The following MAP3K13 variants were observed in gnomAD, a reference collection of about 807,000 sequenced individuals.
MAP3K13 encodes mitogen-activated protein kinase kinase kinase 13, also known as leucine zipper-bearing kinase.
In MAP3K13, 52 loss-of-function variants were observed where a neutral mutation model predicts 104.0. That is an observed-to-expected ratio of 0.50 (90% CI 0.40 to 0.63). MAP3K13 has a LOEUF of 0.63. Ranked by LOEUF, MAP3K13 falls within the 20% of genes least tolerant of loss-of-function variation. The pLI, the probability that MAP3K13 is intolerant of heterozygous loss-of-function variation, is 0.00. For synonymous variants in MAP3K13, 394 were observed against 442.2 expected, an observed-to-expected ratio of 0.89 and a Z score of 1.37; for missense variants, 914 against 1,218.5, an observed-to-expected ratio of 0.75 and a Z score of 3.72.
chr3:185,310,645 T>C (rs916097002), intron 2 of MAP3K13, among the ~76,000 whole-genome samples: 12 of 151,608 alleles, frequency 7.9e-5, no homozygotes, highest in Admixed American at 1.3e-4. Flanking sequence ...TGGAAAGAGG[T>C]GAGGAATGAA....
intron 1 of MAP3K13, 106 bp downstream of exon 1, chr3:185,363,474 G>T: frequency 1.9e-6 from 1 of 521,118 alleles, no homozygotes. Flanking sequence ...TATTGAGGGC[G>T]ACACCGTGAG....
chr3:185,457,083 C>T (rs148788331), intron 7 of MAP3K13, among the ~76,000 whole-genome samples: 1 of 152,220 alleles, frequency 6.6e-6, no homozygotes, highest in African/African-American at 2.4e-5. Flanking sequence ...GCCAGTCACA[C>T]ATTTTGAGAA....
chr3:185,432,616 G>A (rs1028124277), intron 2 of MAP3K13, among the ~76,000 whole-genome samples: 2 of 152,008 alleles, frequency 1.3e-5, no homozygotes, highest in Non-Finnish European at 2.9e-5. Flanking sequence ...ACTTACTTTT[G>A]GTGATAATTT....
chr3:185,420,076 C>A (rs886655933), intron 1 of MAP3K13, among the ~76,000 whole-genome samples: 1 of 152,090 alleles, frequency 6.6e-6, no homozygotes, highest in African/African-American at 2.4e-5. Context: ...ATTAAACATT[C>A]ATAATCTTAA....
Position 185,473,677 on chromosome 3 carries a change from C to A in MAP3K13, c.2346C>A (p.Ser782Arg), listed in dbSNP as rs551981440. ...SSEKTEENEF[S>R]GCRSESSLGT... ...AGAAAACGGAAGAAAATGAATTCAG[C>A]GGCTGTAGGTCTGAGTCATCCCTCG... Residue 782 changes from serine to arginine, a missense_variant, in exon 11 of 14, where the codon AGC becomes AGA. Physicochemically the swap from Ser to Arg is moderately radical, Grantham distance 110 (BLOSUM62 -1). Transcript: ENST00000265026. The surrounding 1 kb of genome is among the most constrained non-coding windows in gnomAD (Gnocchi z 4.9). 6.2e-7 allele frequency: 1 copy of A among 1,614,142 alleles called. No individual in the cohort carries two copies. Among genetic ancestry groups the A allele is most frequent in the East Asian group, 2.2e-5 (1 of 44,872 alleles).
At chr3:185,294,099 G>A (rs1158268737) in intron 2 of MAP3K13, among the ~76,000 whole-genome samples, 1 of 152,056 alleles carries the variant, frequency 6.6e-6, no homozygotes. Context: ...AGAGGCTATC[G>A]AGAATGTAGT....
chr3:185,374,375 G>A (rs1309354092), intron 1 of MAP3K13, among the ~76,000 whole-genome samples: 2 of 152,280 alleles, frequency 1.3e-5, no homozygotes, highest in East Asian at 1.9e-4. Flanking sequence ...TAGGGGCGGC[G>A]TGGGAACCTA....
chr3:185,364,578 A>G (rs1723782600), intron 1 of MAP3K13, among the ~76,000 whole-genome samples: 1 of 152,146 alleles, frequency 6.6e-6, no homozygotes, highest in Non-Finnish European at 1.5e-5. Flanking sequence ...TATGGCTATA[A>G]TATCTTTTGA....
rs749182070 is a variant in MAP3K13, at chr3:185,477,387, G to A, written c.2492G>A (p.Arg831Gln). The A allele has an allele frequency of 1.1e-5, 18 of 1,611,910 alleles. No individual in the cohort carries two copies. The highest frequency in any genetic ancestry group is 1.6e-4 in the Middle Eastern group (1 of 6,082). ...GTAGATAGTGAAGTTGAATTTCCAC[G>A]AAGACAGAGGTAAAACCAACAAATG... ...GEVDSEVEFP[R>Q]RQRPHRCISS... Residue 831 changes from arginine (R) to glutamine (Q), a missense_variant, in exon 12 of 14, where the codon CGA (arginine) becomes CAA (glutamine). Coordinates refer to ENST00000265026, the MANE Select transcript of MAP3K13 (RefSeq NM_004721.5).
chr3:185,429,091 G>T (rs1230657443), intron 2 of MAP3K13, 35 bp downstream of exon 2: 1 of 1,584,244 alleles, frequency 6.3e-7, no homozygotes, highest in Non-Finnish European at 8.6e-7. Flanking sequence ...GATATTTCTT[G>T]TGTAAACACA....
chr3:185,416,100 A>T (rs1713754379), intron 1 of MAP3K13, among the ~76,000 whole-genome samples: 1 of 152,030 alleles, frequency 6.6e-6, no homozygotes, highest in Non-Finnish European at 1.5e-5. Context: ...CACCCTTTTG[A>T]TCTGGTATCT....
chr3:185,480,195 C>T lies in MAP3K13; in HGVS notation c.2502-37C>T. The T allele has an allele frequency of 2.5e-6, 4 of 1,589,154 alleles. No homozygotes were observed. In the South Asian group the frequency reaches 4.5e-5, roughly 18 times the overall value. On this transcript the variant is annotated intron_variant, in intron 12 of 13. Transcript: ENST00000265026. Reference sequence around the variant, plus strand: ...AGATAAGGAAAGAAAAGCAGTTGTTCCTCTGACTAAGTTCTCCTGGTTCTT... The same window carrying T: ...AGATAAGGAAAGAAAAGCAGTTGTTTCTCTGACTAAGTTCTCCTGGTTCTT...
chr3:185,323,134 C>T (rs1721922665), intron 2 of MAP3K13, among the ~76,000 whole-genome samples: 1 of 152,072 alleles, frequency 6.6e-6, no homozygotes, highest in African/African-American at 2.4e-5. Flanking sequence ...ACAGAAAGTT[C>T]CTGTAGAAAC....
At chr3:185,357,227 C>T (rs1560063114) in intron 2 of MAP3K13, among the ~76,000 whole-genome samples, 1 of 151,326 alleles carries the variant, frequency 6.6e-6, no homozygotes, top group Non-Finnish European at 1.5e-5. Context: ...GGCGGATCAC[C>T]TGAGGTCAGG....
intron 2 of MAP3K13, among the ~76,000 whole-genome samples, chr3:185,346,987 G>GTTTTTTT (rs201877429): frequency 6.3e-5 from 8 of 127,676 alleles, no homozygotes; most frequent in African/African-American, 2.1e-4. Context: ...CACAAAGGAA[G>GTTTTTTT]TTTTTTTTTT....
intron 2 of MAP3K13, among the ~76,000 whole-genome samples, chr3:185,302,248 C>CAA (rs201314340): frequency 8.4e-6 from 1 of 118,984 alleles, no homozygotes; most frequent in African/African-American, 3.1e-5. Flanking sequence ...ACTAAAAATA[C>CAA]AAAAAAAAAA....
chr3:185,302,693 G>T (rs925607323), intron 2 of MAP3K13, among the ~76,000 whole-genome samples: 1 of 152,034 alleles, frequency 6.6e-6, no homozygotes, highest in Non-Finnish European at 1.5e-5. Flanking sequence ...CTGAATCATT[G>T]ATTTTGTATT....
intron 9 of MAP3K13, among the ~76,000 whole-genome samples, 174 bp from the exon 10 acceptor site, chr3:185,466,652 C>A (rs533372602): frequency 6.6e-6 from 1 of 152,244 alleles, no homozygotes; most frequent in South Asian, 2.1e-4. Context: ...GCTGGGATTA[C>A]ATGCCTGAGC....
chr3:185,351,500 A>T (rs1427103075), intron 2 of MAP3K13, among the ~76,000 whole-genome samples: 1 of 152,166 alleles, frequency 6.6e-6, no homozygotes, highest in Non-Finnish European at 1.5e-5. Context: ...CACAGATGGG[A>T]TGATGTCATG....
Sources: allele counts gnomAD v4.1 joint callset (sites outside exome capture counted in the v4.1 genomes callset), GRCh38; gene constraint gnomAD v4.1.1; non-coding constraint Gnocchi (gnomAD v3.1); transcripts MANE v1.5; gene names NCBI Gene and HGNC (gene_info 2026-07-23, HGNC 2026-07-21).